Variants in OR5A1 observed in about 807,000 individuals in gnomAD.
OR5A1 encodes the protein olfactory receptor 5A1.
OR5A1 carries 6 observed loss-of-function variants against 6.7 expected under a neutral mutation model. That is an observed-to-expected ratio of 0.89 (90% confidence interval 0.49 to 1.76). The LOEUF is 1.76. OR5A1 is among the 40% of genes most tolerant of loss of function. The pLI is 0.01. For synonymous variants in OR5A1, 170 were observed against 155.0 expected (o/e 1.10, Z -0.72); for missense variants, 378 against 381.7 (o/e 0.99, Z 0.08).
chr11:59,438,983 G>C (rs535611815), intron 1 of OR5A1, among the ~76,000 whole-genome samples: 1 of 152,264 alleles, frequency 6.6e-6, no homozygotes, highest in African/African-American at 2.4e-5. Context: ...AGGGCACCAG[G>C]CACTGGCAGG....
In OR5A1 at chr11:59,446,142, A is replaced by G. The variant is rs1858546298; in HGVS notation, c.*2026A>G. On this transcript the variant is annotated 3_prime_UTR_variant, in exon 2 of 2. Coordinates refer to ENST00000641045, the MANE Select transcript of OR5A1 (RefSeq NM_001004728.2). ...GGCTTTACATTTAAATCTTTAATCC[A>G]TCTTGAGTTAATTTTTGTATAAAGT... 1 of 152,170 alleles carries G rather than the reference A, an allele frequency of 6.6e-6. No individual in the cohort carries two copies. The highest frequency in any genetic ancestry group is 6.5e-5 in the Admixed American group (1 of 15,274). 9.4% of individuals were successfully genotyped at this position (152,170 alleles called of 1,614,324 possible).
chr11:59,446,322 C>G lies in OR5A1; in HGVS notation c.*2206C>G, dbSNP rs538461773. 15 of 152,306 alleles carry G rather than the reference C, an allele frequency of 9.8e-5. No individual in the cohort carries two copies. The highest frequency in any genetic ancestry group is 1.3e-4 in the Non-Finnish European group (9 of 68,020). The allele number at this position is 152,306 out of a possible 1,614,324, so 9.4% of individuals were successfully genotyped here. ...ATGTGCAGTCTTATTTCTGAGATCT[C>G]TATTGTGTTCTATTGGTCTACGTGT... On this transcript the variant is annotated 3_prime_UTR_variant, in exon 2 of 2. Transcript: ENST00000641045.
chr11:59,442,134 C>T (rs547255627), intron 1 of OR5A1, among the ~76,000 whole-genome samples: 2 of 152,252 alleles, frequency 1.3e-5, no homozygotes, highest in South Asian at 4.2e-4. Context: ...AGTCTAGATC[C>T]AGAGCCCACA....
Position 59,450,569 on chromosome 11 carries a change from G to A in OR5A1, c.*6453G>A, listed in dbSNP as rs1858605184. The A allele has an allele frequency of 6.6e-6, 1 of 152,050 alleles. No homozygotes were observed. Among genetic ancestry groups the A allele is most frequent in the South Asian group, 2.1e-4 (1 of 4,832 alleles). 9.4% of individuals were successfully genotyped at this position (152,050 alleles called of 1,614,324 possible). A position where few individuals can be genotyped will look rare whatever the true frequency, so the allele number is the denominator to read the frequency against. ...AACTTTTTACTTCAAATTGTAAATA[G>A]GTATAATACTTTTTCTGATTTTCAT... is the stretch of plus-strand genomic sequence containing the variant. On this transcript the variant is annotated 3_prime_UTR_variant, in exon 2 of 2. Transcript: ENST00000641045.
In OR5A1 at chr11:59,443,901, G is replaced by T; in HGVS notation, c.733G>T (p.Ala245Ser). ...EGRWKACNTC[A>S]SHLMVVTLLF... is the part of the protein sequence containing the mutation. ...CCGATGGAAAGCCTGCAACACGTGT[G>T]CCTCGCATCTGATGGTGGTGACTCT... is the stretch of plus-strand genomic sequence containing the variant. The change falls in exon 2 of 2, where the codon GCC (alanine) becomes TCC (serine). Residue 245 changes from alanine (A) to serine (S), a missense_variant. Transcript: ENST00000641045. 6.2e-7 allele frequency: 1 copy of T among 1,614,128 alleles called. No homozygotes were observed. The highest frequency in any genetic ancestry group is 8.5e-7 in the Non-Finnish European group (1 of 1,180,004).
Position 59,448,165 on chromosome 11 carries a change from G to A in OR5A1, c.*4049G>A, listed in dbSNP as rs1858574173. 1 of 152,204 alleles carries A rather than the reference G, an allele frequency of 6.6e-6. No homozygotes were observed. The highest frequency in any genetic ancestry group is 2.4e-5 in the African/African-American group (1 of 41,444). 9.4% of individuals were successfully genotyped at this position (152,204 alleles called of 1,614,324 possible). On this transcript the variant is annotated 3_prime_UTR_variant, in exon 2 of 2. Coordinates refer to ENST00000641045, the MANE Select transcript of OR5A1 (RefSeq NM_001004728.2). ...AGCCCACGGGCTGTGGGTTGTGCAA[G>A]CTTGCTTTACATCACTCCTACCTTC...
intron 1 of OR5A1, among the ~76,000 whole-genome samples, chr11:59,440,728 C>A (rs1858473185): frequency 6.6e-6 from 1 of 152,192 alleles, no homozygotes; most frequent in Admixed American, 6.5e-5. Context: ...TTGCACGTTC[C>A]TCTTTTATTT....
chr11:59,443,250 GC>G lies in OR5A1; in HGVS notation c.85del (p.Leu29SerfsTer4), dbSNP rs1415461669. The G allele has an allele frequency of 6.2e-7, 1 of 1,613,912 alleles. No individual in the cohort carries two copies. Among genetic ancestry groups the G allele is most frequent in the Non-Finnish European group, 8.5e-7 (1 of 1,179,982 alleles). On this transcript the variant is annotated frameshift_variant, in exon 2 of 2. Coordinates refer to ENST00000641045, the MANE Select transcript of OR5A1 (RefSeq NM_001004728.2). LOFTEE classifies it high-confidence loss of function. ...ATTCACAGACCATCCAGAACTCCAG[GC>G]CCTCCTCTTTGTGACCTTCCTGGGC... ...LGFTDHPELQ[A>X]LLFVTFLGIY...
chr11:59,437,662 T>C (rs1405466816), intron 1 of OR5A1, among the ~76,000 whole-genome samples: 1 of 152,244 alleles, frequency 6.6e-6, no homozygotes, highest in East Asian at 1.9e-4. Context: ...ACATTATTCT[T>C]TTCATATTTG....
rs1305364028 is a variant in OR5A1 at position 59,448,490 on chromosome 11, AT to A, written c.*4376del. Reference sequence around the variant, plus strand: ...TCCAATGCTTGGATCTTACAGGATTATTATGAGCCCAAAAAAAGAAAATTGA... The same window carrying A: ...TCCAATGCTTGGATCTTACAGGATTATATGAGCCCAAAAAAAGAAAATTGA... On this transcript the variant is annotated 3_prime_UTR_variant, in exon 2 of 2. Coordinates refer to ENST00000641045, the MANE Select transcript of OR5A1 (RefSeq NM_001004728.2). The A allele has an allele frequency of 2.0e-5, 3 of 152,202 alleles. No individual in the cohort carries two copies. The highest frequency in any genetic ancestry group is 7.2e-5 in the African/African-American group (3 of 41,450). 9.4% of individuals were successfully genotyped at this position (152,202 alleles called of 1,614,324 possible).
chr11:59,438,166 A>G (rs1858443118), intron 1 of OR5A1, among the ~76,000 whole-genome samples: 1 of 152,216 alleles, frequency 6.6e-6, no homozygotes, highest in Non-Finnish European at 1.5e-5. Flanking sequence ...TGTCTGCCGA[A>G]CTGTGAGCCA....
Position 59,444,141 on chromosome 11 carries a change from C to A in OR5A1, c.*25C>A. 2 of 1,488,432 alleles carry A rather than the reference C, an allele frequency of 1.3e-6. No homozygotes were observed. Among genetic ancestry groups the A allele is most frequent in the Non-Finnish European group, 1.9e-6 (2 of 1,074,364 alleles). 92.2% of individuals were successfully genotyped at this position (1,488,432 alleles called of 1,614,324 possible). A position where few individuals can be genotyped will look rare whatever the true frequency, so the allele number is the denominator to read the frequency against. Reference sequence around the variant, plus strand: ...GGTCATGCGTAGAAACTTATTTATCCAAACTGCTGGAGAATTAAACAATCC... The same window carrying A: ...GGTCATGCGTAGAAACTTATTTATCAAAACTGCTGGAGAATTAAACAATCC... On this transcript the variant is annotated 3_prime_UTR_variant, in exon 2 of 2. Transcript: ENST00000641045.
Position 59,443,965 on chromosome 11 carries a change from G to A in OR5A1, c.797G>A (p.Ser266Asn), listed in dbSNP as rs754570476. 2 of 1,614,012 alleles carry A rather than the reference G, an allele frequency of 1.2e-6. No individual in the cohort carries two copies. The highest frequency in any genetic ancestry group is 2.7e-5 in the African/African-American group (2 of 74,894). Residue 266 changes from serine (S) to asparagine (N), a missense_variant, in exon 2 of 2, where the codon AGC (serine) becomes AAC (asparagine). Coordinates refer to ENST00000641045, the MANE Select transcript of OR5A1 (RefSeq NM_001004728.2). Reference sequence around the variant, plus strand: ...GCCCTTTTCGTGTACTTGCGACCCAGCTCCAGCTACTTGCTAGGCAGGGAC... The same window carrying A: ...GCCCTTTTCGTGTACTTGCGACCCAACTCCAGCTACTTGCTAGGCAGGGAC... ...GTALFVYLRP[S>N]SSYLLGRDKV...
rs992321700 is a variant in OR5A1, at chr11:59,447,472, A to G, written c.*3356A>G. 8 of 152,210 alleles carry G rather than the reference A, an allele frequency of 5.3e-5. No individual in the cohort carries two copies. The highest frequency in any genetic ancestry group is 1.2e-4 in the Non-Finnish European group (8 of 68,034). 9.4% of individuals were successfully genotyped at this position (152,210 alleles called of 1,614,324 possible). A position where few individuals can be genotyped will look rare whatever the true frequency, so the allele number is the denominator to read the frequency against. On this transcript the variant is annotated 3_prime_UTR_variant, in exon 2 of 2. Transcript: ENST00000641045. ...ATTTTAGGAATGAAAAGTTGACACT[A>G]TATCTGTATATTAAGGGATACTTGC...
In OR5A1 at chr11:59,443,789, C is replaced by G; in HGVS notation, c.621C>G (p.Val207=). 1 of 1,614,092 alleles carries G rather than the reference C, an allele frequency of 6.2e-7. No individual in the cohort carries two copies. Among genetic ancestry groups the G allele is most frequent in the East Asian group, 2.2e-5 (1 of 44,860 alleles). The change falls in exon 2 of 2, where the codon GTC becomes GTG. Residue 207 remains valine (V), a synonymous_variant. Coordinates refer to ENST00000641045, the MANE Select transcript of OR5A1 (RefSeq NM_001004728.2). ...LSQVVNFLVV[V]TVGGTSFLQL... Reference sequence around the variant, plus strand: ...AAGTGGTGAATTTCCTCGTGGTGGTCACTGTCGGAGGAACATCGTTCCTCC... The same window carrying G: ...AAGTGGTGAATTTCCTCGTGGTGGTGACTGTCGGAGGAACATCGTTCCTCC...
intron 1 of OR5A1, among the ~76,000 whole-genome samples, chr11:59,439,865 A>G (rs1451710446): frequency 6.6e-6 from 1 of 152,220 alleles, no homozygotes; most frequent in Non-Finnish European, 1.5e-5. Context: ...CTCTAACATA[A>G]GCATACTTCA....
Position 59,444,615 on chromosome 11 carries a change from T to G in OR5A1, c.*499T>G, listed in dbSNP as rs769967679. 1 of 153,386 alleles carries G rather than the reference T, an allele frequency of 6.5e-6. No individual in the cohort carries two copies. Among genetic ancestry groups the G allele is most frequent in the Non-Finnish European group, 1.5e-5 (1 of 68,550 alleles). The allele number at this position is 153,386 out of a possible 1,614,324, so 9.5% of individuals were successfully genotyped here. On this transcript the variant is annotated 3_prime_UTR_variant, in exon 2 of 2. Transcript: ENST00000641045. Reference sequence around the variant, plus strand: ...TTCTGCCCAAACGCTGCACTCCACATTCAACAAAAAAATAGCCCAAAAGTA... The same window carrying G: ...TTCTGCCCAAACGCTGCACTCCACAGTCAACAAAAAAATAGCCCAAAAGTA...
chr11:59,441,958 A>AGAT (rs1858485794), intron 1 of OR5A1, among the ~76,000 whole-genome samples: 1 of 151,764 alleles, frequency 6.6e-6, no homozygotes, highest in Non-Finnish European at 1.5e-5. Context: ...ATAGATAGAT[A>AGAT]GATAGATAGA....
rs1858514753 is a variant in OR5A1 at position 59,443,787 on chromosome 11, G to A, written c.619G>A (p.Val207Ile). The A allele has an allele frequency of 6.2e-7, 1 of 1,614,076 alleles. No individual in the cohort carries two copies. Among genetic ancestry groups the A allele is most frequent in the Non-Finnish European group, 8.5e-7 (1 of 1,179,996 alleles). Residue 207 changes from valine to isoleucine, a missense_variant, in exon 2 of 2, where the codon GTC (valine) becomes ATC (isoleucine). Val to Ile is a conservative substitution (Grantham distance 29). Coordinates refer to ENST00000641045, the MANE Select transcript of OR5A1 (RefSeq NM_001004728.2). ...LSQVVNFLVV[V>I]TVGGTSFLQL... ...TCAAGTGGTGAATTTCCTCGTGGTG[G>A]TCACTGTCGGAGGAACATCGTTCCT...
Sources: allele counts gnomAD v4.1 joint callset (sites outside exome capture counted in the v4.1 genomes callset), GRCh38; gene constraint gnomAD v4.1.1; transcripts MANE v1.5; gene names NCBI Gene and HGNC (gene_info 2026-07-23, HGNC 2026-07-21).